Variants in PPP3CA observed in about 807,000 individuals in gnomAD.
PPP3CA encodes protein phosphatase 3 catalytic subunit alpha, also known as CAM-PRP catalytic subunit.
Under a neutral mutation model 66.5 loss-of-function variants are expected in PPP3CA, and 14 were observed. The ratio of observed to expected loss-of-function variants is 0.21; its 90% CI spans 0.14 to 0.33. The LOEUF (loss-of-function observed/expected upper bound fraction) is 0.33. Among genes scored for constraint, PPP3CA ranks in the 10% least tolerant of loss-of-function variants. PPP3CA has a pLI of 1.00. For synonymous variants in PPP3CA, 232 were observed against 226.2 expected (o/e 1.03, Z -0.23); for missense variants, 317 against 639.5 (o/e 0.50, Z 5.44).
At chr4:101,185,171 A>G (rs1470317940) in intron 2 of PPP3CA, among the ~76,000 whole-genome samples, 5 of 152,190 alleles carry the variant, frequency 3.3e-5, no homozygotes, top group African/African-American at 1.2e-4. Context: ...CTAGGAAAAA[A>G]AAAAAGTAAA....
At chr4:101,265,157 C>T (rs1244960278) in intron 1 of PPP3CA, among the ~76,000 whole-genome samples, 1 of 152,204 alleles carries the variant, frequency 6.6e-6, no homozygotes, top group Non-Finnish European at 1.5e-5. Flanking sequence ...CTCCCTCTGT[C>T]ACCCAGGCTG....
At chr4:101,061,831 C>T (rs1728475238) in intron 9 of PPP3CA, among the ~76,000 whole-genome samples, 1 of 151,934 alleles carries the variant, frequency 6.6e-6, no homozygotes, top group African/African-American at 2.4e-5. Flanking sequence ...TATTTTTATA[C>T]TATAAACCAT....
At chr4:101,204,169 C>T (rs1479959808) in intron 1 of PPP3CA, among the ~76,000 whole-genome samples, 1 of 152,050 alleles carries the variant, frequency 6.6e-6, no homozygotes, top group Non-Finnish European at 1.5e-5. Flanking sequence ...CCACACCTGA[C>T]TAATTTTTTT....
chr4:101,080,808 G>C (rs1729401777), intron 7 of PPP3CA, among the ~76,000 whole-genome samples, 182 bp from the exon 8 acceptor site: 1 of 152,028 alleles, frequency 6.6e-6, no homozygotes, highest in Admixed American at 6.6e-5. Context: ...ATACATTTCA[G>C]GGGGGTGGGT....
chr4:101,166,247 C>T (rs1723689998), intron 2 of PPP3CA, among the ~76,000 whole-genome samples: 1 of 152,072 alleles, frequency 6.6e-6, no homozygotes, highest in African/African-American at 2.4e-5. Context: ...CACCTCAAAC[C>T]AATTGTTACT....
At chr4:101,289,329 A>AT (rs1252338933) in intron 1 of PPP3CA, among the ~76,000 whole-genome samples, 1 of 152,226 alleles carries the variant, frequency 6.6e-6, no homozygotes, top group South Asian at 2.1e-4. Flanking sequence ...CATGCTCCAC[A>AT]TATTTGTAAA....
intron 9 of PPP3CA, among the ~76,000 whole-genome samples, chr4:101,062,938 G>C (rs1728534785): frequency 6.6e-6 from 1 of 151,762 alleles, no homozygotes; most frequent in African/African-American, 2.4e-5. Context: ...CTTGAAACCA[G>C]GTAAACCTGT....
At chr4:101,296,133 A>T (rs1383950963) in intron 1 of PPP3CA, among the ~76,000 whole-genome samples, 1 of 152,172 alleles carries the variant, frequency 6.6e-6, no homozygotes, top group Non-Finnish European at 1.5e-5. Context: ...CATGTTCCTA[A>T]ATGGTAGCAC....
intron 10 of PPP3CA, among the ~76,000 whole-genome samples, chr4:101,048,017 T>C (rs1300728534): frequency 1.2e-4 from 19 of 152,210 alleles, no homozygotes; most frequent in South Asian, 6.2e-4. Flanking sequence ...GGAAATTACA[T>C]TGCTCCCTTG....
Position 101,158,013 on chromosome 4 carries a change from C to T in PPP3CA, c.259+37903G>A, listed in dbSNP as rs550744276. Among the ~76,000 whole-genome samples, 13 of 152,022 alleles carry T rather than the reference C, an allele frequency of 8.6e-5. No individual in the cohort carries two copies. The East Asian group carries it at 2.5e-3, about 29-fold the overall frequency. On this transcript the variant is annotated intron_variant, in intron 2 of 13. Coordinates refer to ENST00000394854, the MANE Select transcript of PPP3CA (RefSeq NM_000944.5). ...TAATGATGTCATATTGATATACATC[C>T]TAATTAACACAGAGAAAGGCTACTG...
chr4:101,100,207 A>C (rs1446944766), intron 3 of PPP3CA, among the ~76,000 whole-genome samples: 1 of 152,128 alleles, frequency 6.6e-6, no homozygotes, highest in Admixed American at 6.6e-5. Flanking sequence ...CAGAAAAGAC[A>C]AGATGTTGGG....
intron 1 of PPP3CA, among the ~76,000 whole-genome samples, chr4:101,203,485 A>T (rs1376377951): frequency 6.6e-6 from 1 of 152,038 alleles, no homozygotes; most frequent in African/African-American, 2.4e-5. Context: ...ACAGAGCAAG[A>T]CTCCATCTCA....
At chr4:101,076,735 T>C (rs1379825102) in intron 8 of PPP3CA, among the ~76,000 whole-genome samples, 3 of 152,198 alleles carry the variant, frequency 2.0e-5, no homozygotes, top group Non-Finnish European at 4.4e-5. Context: ...AGTGAAATTA[T>C]AAATAAGAAA....
At chr4:101,068,098 C>G (rs1290689941) in intron 8 of PPP3CA, among the ~76,000 whole-genome samples, 1 of 152,140 alleles carries the variant, frequency 6.6e-6, no homozygotes, top group African/African-American at 2.4e-5. Flanking sequence ...TGTTCTCACC[C>G]TTTTGCTACT....
In PPP3CA at chr4:101,032,371, G is replaced by A; in HGVS notation, c.1242-7C>T. ...CACACTCTCACTCTCTTCTCTGGAA[G>A]GCACAATGAGGGGCGACATTAACTT... On this transcript the variant is annotated splice_polypyrimidine_tract_variant and splice_region_variant and intron_variant, in intron 11 of 13. Transcript: ENST00000394854. 8 of 1,606,330 alleles carry A rather than the reference G, an allele frequency of 5.0e-6. No individual in the cohort carries two copies. The highest frequency in any genetic ancestry group is 6.8e-6 in the Non-Finnish European group (8 of 1,174,068).
chr4:101,034,309 T>C (rs1727144446), intron 11 of PPP3CA, among the ~76,000 whole-genome samples: 1 of 152,208 alleles, frequency 6.6e-6, no homozygotes, highest in Non-Finnish European at 1.5e-5. Context: ...TTTGCTCCAA[T>C]ATCGCCTTCT....
intron 2 of PPP3CA, among the ~76,000 whole-genome samples, chr4:101,173,476 T>G (rs570639479): frequency 1.5e-4 from 23 of 152,262 alleles, no homozygotes; most frequent in African/African-American, 5.5e-4. Flanking sequence ...AATTGACATT[T>G]TTATTAATTG....
chr4:101,256,418 C>A (rs1726844952), intron 1 of PPP3CA, among the ~76,000 whole-genome samples: 1 of 151,914 alleles, frequency 6.6e-6, no homozygotes, highest in South Asian at 2.1e-4. Flanking sequence ...CATGATGGTA[C>A]ATAAACATTG....
At position 101,345,940 on chromosome 4, in the gene PPP3CA, C is replaced by A. The variant is rs749242522; in HGVS notation, c.58+799G>T. 3.3e-5 allele frequency among the ~76,000 whole-genome samples: 5 copies of A among 152,164 alleles called. No individual in the cohort carries two copies. The South Asian group carries it at 1.0e-3, about 32-fold the overall frequency. On this transcript the variant is annotated intron_variant, in intron 1 of 13. Coordinates refer to ENST00000394854, the MANE Select transcript of PPP3CA (RefSeq NM_000944.5). ...GAACCCTTTAAGAGCAATGACAGGT[C>A]GGCGGGGGACAGCCGGGGATGGCAA...
Sources: allele counts gnomAD v4.1 joint callset (sites outside exome capture counted in the v4.1 genomes callset), GRCh38; gene constraint gnomAD v4.1.1; transcripts MANE v1.5; gene names NCBI Gene and HGNC (gene_info 2026-07-23, HGNC 2026-07-21).